DNAJC5B: variants seen among roughly 807,000 people sequenced by gnomAD.
DNAJC5B encodes the protein dnaJ homolog subfamily C member 5B.
A neutral mutation model predicts 24.7 loss-of-function variants in DNAJC5B; 23 were observed. The ratio of observed to expected loss-of-function variants is 0.93; its 90% CI spans 0.67 to 1.32. The LOEUF (loss-of-function observed/expected upper bound fraction) is 1.32. Ranked by LOEUF, DNAJC5B falls within the 40% of genes most tolerant of loss-of-function variation. The probability of loss-of-function intolerance (pLI) is 0.00; values close to 1 mark genes in which losing one functional copy is unlikely to be tolerated. For synonymous variants in DNAJC5B, 101 were observed against 90.1 expected (o/e 1.12, Z -0.68); for missense variants, 238 against 240.8 (o/e 0.99, Z 0.08).
chr8:66,066,374 A>G (rs564000067), intron 3 of DNAJC5B, among the ~76,000 whole-genome samples: 7 of 151,990 alleles, frequency 4.6e-5, no homozygotes, highest in Non-Finnish European at 7.4e-5. Flanking sequence ...CAATCTCACT[A>G]CTGAATATCT....
At chr8:66,083,009 T>C (rs1423265957) in intron 5 of DNAJC5B, among the ~76,000 whole-genome samples, 44 of 136,944 alleles carry the variant, frequency 3.2e-4, no homozygotes, top group East Asian at 8.1e-4. Flanking sequence ...TTTTCTTTTT[T>C]TTTTTTTTTT....
chr8:66,048,827 G>A (rs894224277), intron 2 of DNAJC5B, among the ~76,000 whole-genome samples: 4 of 152,130 alleles, frequency 2.6e-5, no homozygotes, highest in African/African-American at 9.7e-5. Context: ...TTTCTGCGAG[G>A]CCATCCCCTC....
rs13260802 is a variant in DNAJC5B at position 66,077,966 on chromosome 8, C to T, written c.333+1093C>T. On this transcript the variant is annotated intron_variant, in intron 4 of 5. Coordinates refer to ENST00000276570, the MANE Select transcript of DNAJC5B (RefSeq NM_033105.6). ...TTGGAATTTGGAATGAGAGTGTACA[C>T]ACCGACAATGTCATTTATGACAATA... Among the ~76,000 whole-genome samples, 299 of 152,276 alleles carry T rather than the reference C, an allele frequency of 2.0e-3. 1 individual carries two copies. Among genetic ancestry groups the T allele is most frequent in the Middle Eastern group, 0.017 (5 of 294 alleles).
chr8:66,017,237 T>C (rs1805978655), upstream of DNAJC5B, among the ~76,000 whole-genome samples: 1 of 152,208 alleles, frequency 6.6e-6, no homozygotes, highest in Non-Finnish European at 1.5e-5. Context: ...AAGCCAATAG[T>C]TTTAGAGCAT....
At chr8:66,042,799 AG>A (rs1490752026) in intron 1 of DNAJC5B, among the ~76,000 whole-genome samples, 3 of 148,856 alleles carry the variant, frequency 2.0e-5, no homozygotes, top group Non-Finnish European at 4.4e-5. Context: ...GGAAATCCGA[AG>A]GTATCTAAAA....
intron 1 of DNAJC5B, among the ~76,000 whole-genome samples, chr8:66,032,012 A>G (rs1404276076): frequency 6.6e-6 from 1 of 152,260 alleles, no homozygotes; most frequent in South Asian, 2.1e-4. Context: ...TATGGAAAGT[A>G]GTCTTATTCC....
chr8:66,069,614 A>G (rs995287094), intron 3 of DNAJC5B, among the ~76,000 whole-genome samples: 7 of 152,204 alleles, frequency 4.6e-5, no homozygotes, highest in Non-Finnish European at 1.0e-4. Context: ...ATTCACAGCC[A>G]AATTCTACCA....
intron 5 of DNAJC5B, among the ~76,000 whole-genome samples, chr8:66,089,662 G>T (rs187139088): frequency 3.3e-5 from 5 of 152,218 alleles, no homozygotes; most frequent in African/African-American, 4.8e-5. Context: ...ATCAATCTTT[G>T]TTCAATAGTG....
chr8:66,048,492 A>G (rs1297682719), intron 2 of DNAJC5B, among the ~76,000 whole-genome samples: 1 of 152,150 alleles, frequency 6.6e-6, no homozygotes, highest in Non-Finnish European at 1.5e-5. Flanking sequence ...ACATCTCTTC[A>G]GTCTCTAAGT....
intron 5 of DNAJC5B, among the ~76,000 whole-genome samples, chr8:66,096,962 A>G (rs1807966796): frequency 6.6e-6 from 1 of 152,124 alleles, no homozygotes; most frequent in African/African-American, 2.4e-5. Flanking sequence ...TATCAGCTCT[A>G]TTGCTCACTA....
chr8:66,043,869 C>A (rs1806669878), intron 2 of DNAJC5B, among the ~76,000 whole-genome samples: 1 of 150,928 alleles, frequency 6.6e-6, no homozygotes, highest in East Asian at 1.9e-4. Context: ...CTCTGTCACC[C>A]AGGCTGGAGT....
upstream of DNAJC5B, among the ~76,000 whole-genome samples, chr8:66,018,101 G>A (rs1024155357): frequency 2.6e-5 from 4 of 152,254 alleles, no homozygotes; most frequent in East Asian, 3.9e-4. Flanking sequence ...GTCCAAGTGC[G>A]GTAGTTCTCA....
At chr8:66,045,178 T>C (rs1357555430) in intron 2 of DNAJC5B, among the ~76,000 whole-genome samples, 1 of 152,234 alleles carries the variant, frequency 6.6e-6, no homozygotes, top group African/African-American at 2.4e-5. Flanking sequence ...TTTGGTTCCT[T>C]CATGTTTCAG....
At chr8:66,016,300 G>A in the DNAJC5B span, among the ~76,000 whole-genome samples, 19 of 152,332 alleles carry the variant, frequency 1.2e-4, no homozygotes, top group East Asian at 1.9e-3. Flanking sequence ...TGTTGTGGGA[G>A]GGATCCGGTG....
chr8:66,085,241 A>G (rs1586113166), intron 5 of DNAJC5B, among the ~76,000 whole-genome samples: 1 of 152,140 alleles, frequency 6.6e-6, no homozygotes, highest in Non-Finnish European at 1.5e-5. Context: ...GGAGTTCAAG[A>G]CCAGCCTGGC....
intron 3 of DNAJC5B, among the ~76,000 whole-genome samples, chr8:66,072,062 T>TA (rs1807363791): frequency 1.8e-5 from 1 of 55,172 alleles, no homozygotes. Context: ...GGTGGGGGGG[T>TA]AGGGGAGGGA....
At chr8:66,089,965 AC>A (rs1807811080) in intron 5 of DNAJC5B, among the ~76,000 whole-genome samples, 1 of 152,124 alleles carries the variant, frequency 6.6e-6, no homozygotes, top group Admixed American at 6.5e-5. Flanking sequence ...TCTTGGGGGA[AC>A]CCTTCCCCAG....
Position 66,100,180 on chromosome 8 carries a change from A to G in DNAJC5B, c.*149A>G. The G allele has an allele frequency of 1.6e-6, 1 of 622,262 alleles. No individual in the cohort carries two copies. The highest frequency in any genetic ancestry group is 2.7e-6 in the Non-Finnish European group (1 of 369,370). 38.5% of individuals were successfully genotyped at this position (622,262 alleles called of 1,614,324 possible). A position where few individuals can be genotyped will look rare whatever the true frequency, so the allele number is the denominator to read the frequency against. On this transcript the variant is annotated 3_prime_UTR_variant, in exon 6 of 6. Transcript: ENST00000276570. Reference sequence around the variant, plus strand: ...GTTAGGAAAACATGATTGCTATATAATTTTCTCAGTATGCAGACTTTCTCT... The same window carrying G: ...GTTAGGAAAACATGATTGCTATATAGTTTTCTCAGTATGCAGACTTTCTCT...
chr8:66,051,795 C>T lies in DNAJC5B; in HGVS notation c.119+129C>T, dbSNP rs371218378. On this transcript the variant is annotated intron_variant, in intron 3 of 5. Transcript: ENST00000276570. ...CAAATTTTAGATCCAATGTTCCCTGCTCTACAACATAGGAGTTAGGAATGG... is the reference window on the plus strand; with the variant it reads ...CAAATTTTAGATCCAATGTTCCCTGTTCTACAACATAGGAGTTAGGAATGG... The T allele has an allele frequency of 2.9e-5, 20 of 696,364 alleles. No individual in the cohort carries two copies. The East Asian group carries it at 3.8e-4, about 13-fold the overall frequency. The allele number at this position is 696,364 out of a possible 1,614,324, so 43.1% of individuals were successfully genotyped here.
Sources: allele counts gnomAD v4.1 joint callset (sites outside exome capture counted in the v4.1 genomes callset), GRCh38; gene constraint gnomAD v4.1.1; transcripts MANE v1.5; gene names NCBI Gene and HGNC (gene_info 2026-07-23, HGNC 2026-07-21).